The following ZNF514 variants were observed in gnomAD, a reference collection of about 807,000 sequenced individuals.
The protein encoded by ZNF514 is zinc finger protein 514.
A neutral mutation model predicts 9.7 loss-of-function variants in ZNF514; 12 were observed. That is an observed-to-expected ratio of 1.24 (90% CI 0.79 to 2.01). The LOEUF (loss-of-function observed/expected upper bound fraction) is 2.01, where lower values mean the gene tolerates loss of function less well. Among genes scored for constraint, ZNF514 ranks in the 30% most tolerant of loss-of-function variants. The pLI is 0.00. For synonymous variants in ZNF514, 158 were observed against 163.7 expected, an observed-to-expected ratio of 0.97 and a Z score of 0.27; for missense variants, 467 against 465.5, an observed-to-expected ratio of 1.00 and a Z score of -0.03.
chr2:95,141,430 G>GT (rs1487596763), downstream of ZNF514, among the ~76,000 whole-genome samples: 3 of 152,064 alleles, frequency 2.0e-5, no homozygotes, highest in Non-Finnish European at 4.4e-5. Flanking sequence ...CCCTGGGGAC[G>GT]TATCAGTTCT....
At chr2:95,128,726 G>A in the ZNF514 span, among the ~76,000 whole-genome samples, 1 of 150,104 alleles carries the variant, frequency 6.7e-6, no homozygotes, top group African/African-American at 2.5e-5. Context: ...AAGGAGGAGG[G>A]AGGAGTAGGA....
At chr2:95,131,035 G>C in the ZNF514 span, among the ~76,000 whole-genome samples, 8 of 152,142 alleles carry the variant, frequency 5.3e-5, no homozygotes, top group Non-Finnish European at 1.2e-4. Flanking sequence ...CACAATTCAC[G>C]TTCTTCTGCC....
At chr2:95,135,429 T>C in the ZNF514 span, among the ~76,000 whole-genome samples, 3,438 of 151,154 alleles carry the variant, frequency 0.023, 46 homozygotes, top group Non-Finnish European at 0.026. Context: ...TTTTTTTTTT[T>C]TCTCTTTTTT....
At chr2:95,132,084 A>G in the ZNF514 span, among the ~76,000 whole-genome samples, 1 of 140,482 alleles carries the variant, frequency 7.1e-6, no homozygotes, top group African/African-American at 2.6e-5. Flanking sequence ...CAGAGGTTGC[A>G]GTGAGGCAAG....
intron 2 of ZNF514, chr2:95,154,473 T>C (rs761658064): frequency 1.3e-5 from 2 of 152,252 alleles, no homozygotes; most frequent in Non-Finnish European, 1.5e-5. Flanking sequence ...AAGAAACTTA[T>C]TGGCAAGGTG....
At position 95,149,733 on chromosome 2, in the gene ZNF514, T is replaced by C. The variant is rs748359281; in HGVS notation, c.752A>G (p.Gln251Arg). ...GGGCTTTTCTCCAGTATGAGTTCTT[T>C]GATGTTTAATAAGGGATGAAATATG... is the stretch of plus-strand genomic sequence containing the variant. ...FGHISSLIKH[Q>R]RTHTGEKPYE... Residue 251 changes from glutamine to arginine, a missense_variant, in exon 5 of 5, where the codon CAA becomes CGA. Transcript: ENST00000295208. 3 of 1,614,250 alleles carry C rather than the reference T, an allele frequency of 1.9e-6. No individual in the cohort carries two copies. Among genetic ancestry groups the C allele is most frequent in the African/African-American group, 2.7e-5 (2 of 75,056 alleles).
At chr2:95,156,306 C>G (rs1319583864) in intron 2 of ZNF514, among the ~76,000 whole-genome samples, 1 of 152,196 alleles carries the variant, frequency 6.6e-6, no homozygotes, top group African/African-American at 2.4e-5. Flanking sequence ...CTGAATCCCC[C>G]CTGAGGGCCA....
In ZNF514 at chr2:95,145,484, T is replaced by C. The variant is rs1328297912; in HGVS notation, c.*3798A>G. Among the ~76,000 whole-genome samples the C allele has an allele frequency of 6.6e-6, 1 of 152,240 alleles. No homozygotes were observed. The highest frequency in any genetic ancestry group is 1.5e-5 in the Non-Finnish European group (1 of 68,046). On this transcript the variant is annotated 3_prime_UTR_variant, in exon 5 of 5. Transcript: ENST00000295208. ...TTTACAATCTATTCTCTCTGAAGCC[T>C]GCTACCTTCTGGCTTCATCTCACAG...
chr2:95,149,527 C>G lies in ZNF514; in HGVS notation c.958G>C (p.Glu320Gln), dbSNP rs762464201. The G allele has an allele frequency of 6.2e-7, 1 of 1,613,926 alleles. No homozygotes were observed. The highest frequency in any genetic ancestry group is 8.5e-7 in the Non-Finnish European group (1 of 1,179,968). Reference sequence around the variant, plus strand: ...CTCTGGCTGAAGGTTCTCCCACATTCCCGGCATTCATAGGGCTTTTCTCCA... The same window carrying G: ...CTCTGGCTGAAGGTTCTCCCACATTGCCGGCATTCATAGGGCTTTTCTCCA... The part of the protein sequence containing the change: ...HTGEKPYECR[E>Q]CGRTFSQSSS... Residue 320 changes from glutamate to glutamine, a missense_variant, in exon 5 of 5, where the codon GAA becomes CAA. By Grantham distance (29) the Glu-to-Gln change is conservative. Coordinates refer to ENST00000295208, the MANE Select transcript of ZNF514 (RefSeq NM_032788.3).
chr2:95,140,618 AAT>A (rs373216299), downstream of ZNF514, among the ~76,000 whole-genome samples: 5 of 149,710 alleles, frequency 3.3e-5, no homozygotes, highest in Non-Finnish European at 3.0e-5. Flanking sequence ...ATCTTGAAAA[AAT>A]ATATATATAT....
At chr2:95,132,162 A>C in the ZNF514 span, among the ~76,000 whole-genome samples, 3 of 151,258 alleles carry the variant, frequency 2.0e-5, no homozygotes, top group South Asian at 6.3e-4. Context: ...AAAAAAAAAA[A>C]AAAAAAAACA....
At chr2:95,152,594 G>T in intron 4 of ZNF514, 80 bp downstream of exon 4, 1 of 1,165,520 alleles carries the variant, frequency 8.6e-7, no homozygotes. Flanking sequence ...TGAAAGGACA[G>T]CACACTGACC....
chr2:95,157,459 C>T lies in ZNF514; in HGVS notation c.-95-20G>A. The stretch of plus-strand genomic sequence containing the variant: ...GGGAAGCTGGGAAGGTAGAAGGAGA[C>T]ATAAGGGAAGCTGACCCAGCCAGCA... On this transcript the variant is annotated intron_variant, in intron 1 of 4. Transcript: ENST00000295208. 5.5e-6 allele frequency: 7 copies of T among 1,283,410 alleles called. No homozygotes were observed. Among genetic ancestry groups the T allele is most frequent in the Non-Finnish European group, 7.1e-6 (7 of 983,210 alleles). The allele number at this position is 1,283,410 out of a possible 1,614,324, so 79.5% of individuals were successfully genotyped here. A position where few individuals can be genotyped will look rare whatever the true frequency, so the allele number is the denominator to read the frequency against.
intron 2 of ZNF514, among the ~76,000 whole-genome samples, 182 bp downstream of exon 2, chr2:95,157,169 C>G (rs1673709778): frequency 6.6e-6 from 1 of 152,090 alleles, no homozygotes; most frequent in Non-Finnish European, 1.5e-5. Flanking sequence ...AGTGGGTGCA[C>G]AGCAAGAAGA....
At chr2:95,126,162 G>A in the ZNF514 span, among the ~76,000 whole-genome samples, 8 of 152,034 alleles carry the variant, frequency 5.3e-5, no homozygotes, top group African/African-American at 1.7e-4. Flanking sequence ...TCTGAGGTCA[G>A]GAGTTAGAAA....
chr2:95,142,560 C>G (rs1673266762), downstream of ZNF514, among the ~76,000 whole-genome samples: 1 of 152,134 alleles, frequency 6.6e-6, no homozygotes, highest in South Asian at 2.1e-4. Flanking sequence ...GTTTTGTGTG[C>G]CCCTACCAGG....
In ZNF514 at chr2:95,159,627, GCGCCAGCCCC is replaced by G. The variant is rs1673797155; in HGVS notation, c.-493_-484del. ...CGCGCCAGCCCCCGCCCGCCACCCC[GCGCCAGCCCC>G]CGCCCGCCACCCCGCGCCAGCCCCC... On this transcript the variant is annotated 5_prime_UTR_variant, in exon 1 of 5. Transcript: ENST00000295208. 1 of 37,638 alleles carries G rather than the reference GCGCCAGCCCC, an allele frequency of 2.7e-5. No individual in the cohort carries two copies. The highest frequency in any genetic ancestry group is 6.6e-5 in the Non-Finnish European group (1 of 15,210). The allele number at this position is 37,638 out of a possible 1,614,324, so 2.3% of individuals were successfully genotyped here.
chr2:95,134,143 T>C, the ZNF514 span, among the ~76,000 whole-genome samples: 5 of 152,298 alleles, frequency 3.3e-5, no homozygotes, highest in Admixed American at 1.3e-4. Context: ...AATTTTTTTA[T>C]TGGGAGTTGA....
the ZNF514 span, among the ~76,000 whole-genome samples, chr2:95,135,417 CTTT>C: frequency 0.013 from 1,897 of 140,954 alleles, 33 homozygotes; most frequent in African/African-American, 0.043. Context: ...TTCGTTCTTT[CTTT>C]TTTTTTTTTT....
Sources: allele counts gnomAD v4.1 joint callset (sites outside exome capture counted in the v4.1 genomes callset), GRCh38; gene constraint gnomAD v4.1.1; transcripts MANE v1.5; gene names NCBI Gene and HGNC (gene_info 2026-07-23, HGNC 2026-07-21).